Variants in CIMIP2C observed in about 807,000 individuals in gnomAD.
CIMIP2C encodes the protein ciliary microtubule inner protein 2C.
At chr2:26,573,573 A>G in the CIMIP2C span, among the ~76,000 whole-genome samples, 1 of 152,240 alleles carries the variant, frequency 6.6e-6, no homozygotes. Context: ...TGAAGCGGCC[A>G]AGGTGACCAC....
the CIMIP2C span, among the ~76,000 whole-genome samples, chr2:26,567,960 G>C: frequency 2.6e-5 from 4 of 152,150 alleles, no homozygotes; most frequent in African/African-American, 9.7e-5. Flanking sequence ...GGCAGGTGTG[G>C]TCCTGTTTTC....
At chr2:26,575,991 G>C in the CIMIP2C span, 10 of 1,613,922 alleles carry the variant, frequency 6.2e-6, no homozygotes, top group Non-Finnish European at 8.5e-6. Flanking sequence ...CACCGCAACA[G>C]AGCCATGGAG....
chr2:26,573,689 G>T, the CIMIP2C span, among the ~76,000 whole-genome samples: 2 of 152,242 alleles, frequency 1.3e-5, no homozygotes, highest in African/African-American at 2.4e-5. Flanking sequence ...AGGAGGAAGG[G>T]CACTGAGGTG....
chr2:26,577,614 C>G, the CIMIP2C span: 3 of 1,613,626 alleles, frequency 1.9e-6, no homozygotes, highest in East Asian at 2.2e-5. Context: ...AACGGTACCC[C>G]CTCCCCACCG....
At chr2:26,573,167 A>G in the CIMIP2C span, among the ~76,000 whole-genome samples, 1 of 152,192 alleles carries the variant, frequency 6.6e-6, no homozygotes, top group Non-Finnish European at 1.5e-5. Context: ...GTCTGAAGGC[A>G]GACTGAGGGA....
At chr2:26,562,905 G>A in the CIMIP2C span, 1 of 566,090 alleles carries the variant, frequency 1.8e-6, no homozygotes, top group Non-Finnish European at 3.1e-6. Context: ...TTCACAGGAA[G>A]GCGCTCCCTG....
At chr2:26,578,313 G>C in the CIMIP2C span, 2 of 167,364 alleles carry the variant, frequency 1.2e-5, no homozygotes, top group Non-Finnish European at 2.6e-5. Context: ...TGGGAGGTCA[G>C]TGGATAGAGC....
At chr2:26,563,006 C>A in the CIMIP2C span, 1 of 381,948 alleles carries the variant, frequency 2.6e-6, no homozygotes, top group Non-Finnish European at 4.7e-6. Context: ...GGGTTTAGTG[C>A]TTGGAGACGC....
chr2:26,578,984 C>G, the CIMIP2C span: 2 of 496,160 alleles, frequency 4.0e-6, no homozygotes, highest in Non-Finnish European at 8.0e-6. Flanking sequence ...GCATTTATTC[C>G]TCAAGTCAAA....
At chr2:26,579,276 T>C in the CIMIP2C span, 1 of 1,613,054 alleles carries the variant, frequency 6.2e-7, no homozygotes. Flanking sequence ...ATAACACCAG[T>C]CCCATCCTCA....
the CIMIP2C span, among the ~76,000 whole-genome samples, chr2:26,577,142 T>C: frequency 6.6e-6 from 1 of 151,838 alleles, no homozygotes. Flanking sequence ...CCCCGTACAG[T>C]GGGGAAGGAG....
At chr2:26,577,612 C>A in the CIMIP2C span, 1 of 1,613,716 alleles carries the variant, frequency 6.2e-7, no homozygotes, top group Non-Finnish European at 8.5e-7. Context: ...GGAACGGTAC[C>A]CCCTCCCCAC....
chr2:26,573,826 G>A, the CIMIP2C span, among the ~76,000 whole-genome samples: 1 of 152,312 alleles, frequency 6.6e-6, no homozygotes, highest in African/African-American at 2.4e-5. Flanking sequence ...CCCCTCTGCA[G>A]CCTCATTGCA....
chr2:26,577,667 A>G, the CIMIP2C span: 3 of 1,507,588 alleles, frequency 2.0e-6, no homozygotes, highest in Non-Finnish European at 2.8e-6. Context: ...CAGTCAAGAA[A>G]CGCACCCATG....
chr2:26,568,387 C>A, the CIMIP2C span, among the ~76,000 whole-genome samples: 7 of 152,318 alleles, frequency 4.6e-5, no homozygotes, highest in Admixed American at 1.3e-4. Context: ...CCAAGGCCAG[C>A]CCCTATCTCT....
chr2:26,579,467 C>T, the CIMIP2C span: 1 of 1,606,386 alleles, frequency 6.2e-7, no homozygotes, highest in East Asian at 2.2e-5. Context: ...GAGCCTGATG[C>T]CTGAGATCCT....
the CIMIP2C span, chr2:26,577,953 C>G: frequency 2.8e-6 from 1 of 358,814 alleles, no homozygotes; most frequent in Non-Finnish European, 5.1e-6. Context: ...GGCAGCTACA[C>G]TAGTCCTAAC....
chr2:26,577,563 G>A, the CIMIP2C span: 18 of 1,614,142 alleles, frequency 1.1e-5, no homozygotes, highest in South Asian at 1.8e-4. Flanking sequence ...CGGGCACAGT[G>A]CCTCGAGTCC....
the CIMIP2C span, chr2:26,575,864 C>T: frequency 3.8e-6 from 6 of 1,599,864 alleles, no homozygotes; most frequent in Admixed American, 1.0e-4. Flanking sequence ...GGGCCCTTCA[C>T]TGATCTGTGG....
Sources: allele counts gnomAD v4.1 joint callset (sites outside exome capture counted in the v4.1 genomes callset), GRCh38; gene constraint gnomAD v4.1.1; transcripts MANE v1.5; gene names NCBI Gene and HGNC (gene_info 2026-07-23, HGNC 2026-07-21).